The following PDSS2 variants were observed in gnomAD, a reference collection of about 807,000 sequenced individuals.
PDSS2 encodes the protein all trans-polyprenyl-diphosphate synthase PDSS2.
PDSS2 carries 31 observed loss-of-function variants against 44.5 expected under a neutral mutation model. The ratio of observed to expected loss-of-function variants is 0.70; its 90% CI spans 0.52 to 0.94. PDSS2 has a LOEUF of 0.94. Among genes scored for constraint, PDSS2 ranks in the 40% least tolerant of loss-of-function variants. The pLI, the probability that PDSS2 is intolerant of heterozygous loss-of-function variation, is 0.00. For missense variants in PDSS2, 452 were observed against 482.2 expected (o/e 0.94, Z 0.59); for synonymous variants, 157 against 180.3 (o/e 0.87, Z 1.03).
At chr6:107,171,607 C>T (rs1554248619) in intron 7 of PDSS2, among the ~76,000 whole-genome samples, 1 of 152,078 alleles carries the variant, frequency 6.6e-6, no homozygotes, top group African/African-American at 2.4e-5. Flanking sequence ...AAATTCCAGC[C>T]TCAAGCAATC....
chr6:107,384,169 C>T (rs1050642649), intron 1 of PDSS2, among the ~76,000 whole-genome samples: 69 of 152,252 alleles, frequency 4.5e-4, no homozygotes, highest in African/African-American at 1.6e-3. Flanking sequence ...GACAAATATT[C>T]CATAATTTCA....
chr6:107,316,778 G>C (rs957092727), intron 2 of PDSS2, among the ~76,000 whole-genome samples: 1 of 151,998 alleles, frequency 6.6e-6, no homozygotes, highest in African/African-American at 2.4e-5. Context: ...AAAATGTATA[G>C]ACTCCAAAGC....
At chr6:107,425,805 CA>C (rs1780981569) in intron 1 of PDSS2, among the ~76,000 whole-genome samples, 1 of 151,872 alleles carries the variant, frequency 6.6e-6, no homozygotes, top group Non-Finnish European at 1.5e-5. Flanking sequence ...ACTAAAAATA[CA>C]AAAAATTAGC....
chr6:107,257,707 C>T (rs1775072800), intron 3 of PDSS2, among the ~76,000 whole-genome samples: 1 of 152,070 alleles, frequency 6.6e-6, no homozygotes, highest in Non-Finnish European at 1.5e-5. Context: ...GCAGCCTCCA[C>T]CTGCCAGGTT....
chr6:107,372,408 G>C (rs1246608078), intron 1 of PDSS2, among the ~76,000 whole-genome samples: 1 of 152,090 alleles, frequency 6.6e-6, no homozygotes, highest in African/African-American at 2.4e-5. Flanking sequence ...TGGGAAGTAG[G>C]AGGAAAAGGG....
At chr6:107,291,217 G>A (rs1776334724) in intron 2 of PDSS2, among the ~76,000 whole-genome samples, 1 of 151,910 alleles carries the variant, frequency 6.6e-6, no homozygotes, top group African/African-American at 2.4e-5. Context: ...TTCCTATTTT[G>A]TCATTTATTC....
rs564959228 is a variant in PDSS2 at position 107,215,300 on chromosome 6, G to T, written c.703-3018C>A. 3.3e-5 allele frequency among the ~76,000 whole-genome samples: 5 copies of T among 152,230 alleles called. No homozygotes were observed. In the East Asian group the frequency reaches 9.6e-4, roughly 29 times the overall value. Reference sequence around the variant, plus strand: ...GTAGCAACTCAGGAGGCTGAGGAGGGAGGATCACTTGAACCCAGGAGTTCA... The same window carrying T: ...GTAGCAACTCAGGAGGCTGAGGAGGTAGGATCACTTGAACCCAGGAGTTCA... On this transcript the variant is annotated intron_variant, in intron 4 of 7. Transcript: ENST00000369037.
At chr6:107,428,133 G>A (rs114962901) in intron 1 of PDSS2, among the ~76,000 whole-genome samples, 3 of 152,290 alleles carry the variant, frequency 2.0e-5, no homozygotes, top group African/African-American at 7.2e-5. Context: ...ACACTGCAGA[G>A]ACTCATAAGG....
intron 4 of PDSS2, among the ~76,000 whole-genome samples, chr6:107,220,543 G>A (rs1433857592): frequency 6.6e-6 from 1 of 151,782 alleles, no homozygotes; most frequent in Non-Finnish European, 1.5e-5. Flanking sequence ...TCTATATATA[G>A]AATGTATAGA....
intron 7 of PDSS2, among the ~76,000 whole-genome samples, chr6:107,158,236 A>G (rs1254418562): frequency 7.0e-6 from 1 of 143,858 alleles, no homozygotes; most frequent in African/African-American, 2.6e-5. Context: ...CCCAGGCTGG[A>G]GTGCAGTGGC....
chr6:107,223,285 T>C (rs1466675052), intron 4 of PDSS2, among the ~76,000 whole-genome samples: 3 of 150,570 alleles, frequency 2.0e-5, no homozygotes, highest in African/African-American at 7.4e-5. Context: ...ATCCTGGCAC[T>C]TTGGGAGGCC....
intron 1 of PDSS2, among the ~76,000 whole-genome samples, chr6:107,458,691 C>G (rs1782138312): frequency 6.6e-6 from 1 of 151,462 alleles, no homozygotes; most frequent in Non-Finnish European, 1.5e-5. Context: ...AATAAACCTA[C>G]ATCTCCGCTC....
chr6:107,226,421 G>A (rs1773823668), intron 4 of PDSS2, among the ~76,000 whole-genome samples: 1 of 152,194 alleles, frequency 6.6e-6, no homozygotes, highest in Non-Finnish European at 1.5e-5. Context: ...GGTTTCTGGA[G>A]ATGGCTTCCC....
intron 1 of PDSS2, among the ~76,000 whole-genome samples, chr6:107,406,160 T>C (rs1174685907): frequency 6.6e-6 from 1 of 152,180 alleles, no homozygotes; most frequent in East Asian, 1.9e-4. Context: ...CTATTAATAA[T>C]ATAGTCAGGT....
chr6:107,417,089 A>T (rs1032881105), intron 1 of PDSS2, among the ~76,000 whole-genome samples: 8 of 152,070 alleles, frequency 5.3e-5, no homozygotes, highest in Non-Finnish European at 7.4e-5. Flanking sequence ...AAAAATAAAA[A>T]TTTTTTTAAA....
intron 1 of PDSS2, among the ~76,000 whole-genome samples, chr6:107,427,022 T>C (rs1781026966): frequency 6.6e-6 from 1 of 152,156 alleles, no homozygotes; most frequent in African/African-American, 2.4e-5. Flanking sequence ...TGTGAGGACA[T>C]GAGATTTAGG....
At position 107,210,530 on chromosome 6, in the gene PDSS2, C is replaced by G; in HGVS notation, c.917G>C (p.Ser306Thr). The change falls in exon 6 of 8, where the codon AGT becomes ACT. Residue 306 changes from serine (S) to threonine (T), a missense_variant. Ser to Thr is a moderately conservative substitution (Grantham distance 58). Transcript: ENST00000369037. ...GTTTAGATTAAAAGTCATGGAGTCA[C>G]TGGTCTTTTCTTTAATAAAAGGCTG... ...DVQPFIKEKT[S>T]DSMTFNLNSA... The G allele has an allele frequency of 6.2e-7, 1 of 1,602,706 alleles. No homozygotes were observed.
intron 1 of PDSS2, among the ~76,000 whole-genome samples, chr6:107,405,748 G>A (rs923943509): frequency 4.6e-5 from 7 of 151,100 alleles, no homozygotes; most frequent in African/African-American, 1.7e-4. Flanking sequence ...TTGGGAGGCT[G>A]AGGCAGGAGA....
chr6:107,180,381 AG>A (rs552713219), intron 7 of PDSS2, among the ~76,000 whole-genome samples: 25 of 152,290 alleles, frequency 1.6e-4, no homozygotes, highest in African/African-American at 6.0e-4. Flanking sequence ...GCCTCAACCC[AG>A]GGGGTGAGAG....
Sources: gnomAD v4.1 joint callset for allele counts (sites outside exome capture counted in the v4.1 genomes callset) on GRCh38, gnomAD v4.1.1 for gene constraint, MANE v1.5 for transcripts, NCBI Gene and HGNC (gene_info 2026-07-23, HGNC 2026-07-21) for gene names.